SUPT3H: variants seen among roughly 807,000 people sequenced by gnomAD.
SUPT3H encodes the protein transcription initiation protein SPT3 homolog.
In SUPT3H, 44 loss-of-function variants were observed where a neutral mutation model predicts 44.3. The ratio of observed to expected loss-of-function variants is 0.99; its 90% CI spans 0.78 to 1.28. SUPT3H has a LOEUF of 1.28. SUPT3H is among the 50% of genes most tolerant of loss of function. The probability of loss-of-function intolerance (pLI) is 0.00; values close to 1 mark genes in which losing one functional copy is unlikely to be tolerated. For missense variants in SUPT3H, 380 were observed against 387.1 expected (o/e 0.98, Z 0.15); for synonymous variants, 124 against 125.6 (o/e 0.99, Z 0.09).
At chr6:45,187,810 C>G (rs1390233611) in intron 2 of SUPT3H, among the ~76,000 whole-genome samples, 1 of 152,110 alleles carries the variant, frequency 6.6e-6, no homozygotes, top group Non-Finnish European at 1.5e-5. Context: ...AAATCATCAA[C>G]AAAATGTTAG....
chr6:45,206,720 G>A lies in SUPT3H; in HGVS notation c.102-100714C>T, dbSNP rs190961467. On this transcript the variant is annotated intron_variant, in intron 2 of 10. Transcript: ENST00000371459. The stretch of plus-strand genomic sequence containing the variant: ...TAATGACTAAGAGCAATGTGTAGCA[G>A]TGGAAAGAAATGTGGGCTGTGAGAG... Among the ~76,000 whole-genome samples the A allele has an allele frequency of 2.2e-4, 33 of 152,246 alleles. No individual in the cohort carries two copies. In the East Asian group the frequency reaches 3.5e-3, roughly 16 times the overall value.
intron 3 of SUPT3H, among the ~76,000 whole-genome samples, chr6:45,045,941 T>C (rs1489744268): frequency 1.3e-5 from 2 of 152,192 alleles, no homozygotes; most frequent in Non-Finnish European, 2.9e-5. Flanking sequence ...TCACTTTTTC[T>C]TTTGTTGTTC....
At chr6:45,208,262 GATT>G (rs1290792849) in intron 2 of SUPT3H, among the ~76,000 whole-genome samples, 1 of 152,192 alleles carries the variant, frequency 6.6e-6, no homozygotes, top group Non-Finnish European at 1.5e-5. Context: ...GAAAGGTAAG[GATT>G]CAGAAGAAAA....
At chr6:45,036,741 C>G (rs1397478140) in intron 3 of SUPT3H, among the ~76,000 whole-genome samples, 1 of 152,116 alleles carries the variant, frequency 6.6e-6, no homozygotes, top group Admixed American at 6.6e-5. Context: ...TATAAAAATT[C>G]ACCACTCATG....
intron 2 of SUPT3H, among the ~76,000 whole-genome samples, chr6:45,157,976 TTAA>T (rs1407955449): frequency 2.0e-5 from 3 of 150,620 alleles, no homozygotes; most frequent in South Asian, 4.2e-4. Flanking sequence ...ATAGTAATTA[TTAA>T]TAATACGTAA....
intron 2 of SUPT3H, among the ~76,000 whole-genome samples, chr6:45,221,583 C>T (rs1766063665): frequency 6.6e-6 from 1 of 152,006 alleles, no homozygotes; most frequent in Non-Finnish European, 1.5e-5. Flanking sequence ...AATCAGACAA[C>T]CTAAATAAAT....
intron 2 of SUPT3H, among the ~76,000 whole-genome samples, chr6:45,178,750 G>A (rs552230409): frequency 3.3e-5 from 5 of 152,214 alleles, no homozygotes; most frequent in Admixed American, 6.5e-5. Flanking sequence ...TAGAACTCAG[G>A]ATTAAGAATC....
At chr6:45,140,087 A>C (rs1382157312) in intron 2 of SUPT3H, among the ~76,000 whole-genome samples, 1 of 151,990 alleles carries the variant, frequency 6.6e-6, no homozygotes, top group African/African-American at 2.4e-5. Context: ...GAGGCCTTTC[A>C]CTACTGATTA....
At chr6:44,953,155 T>A (rs753246453) in intron 9 of SUPT3H, among the ~76,000 whole-genome samples, 155 bp downstream of exon 9, 9 of 152,244 alleles carry the variant, frequency 5.9e-5, no homozygotes, top group Non-Finnish European at 1.3e-4. Context: ...CAGTAGGTGC[T>A]CAATTAAATA....
intron 9 of SUPT3H, among the ~76,000 whole-genome samples, chr6:44,948,503 C>T (rs901969747): frequency 1.1e-4 from 16 of 152,086 alleles, no homozygotes; most frequent in Non-Finnish European, 2.1e-4. Context: ...TGACAAAGGG[C>T]TAATATCCAG....
intron 10 of SUPT3H, among the ~76,000 whole-genome samples, chr6:44,842,529 T>G (rs1208947608): frequency 6.6e-6 from 1 of 152,088 alleles, no homozygotes; most frequent in Non-Finnish European, 1.5e-5. Flanking sequence ...TGGGATTATT[T>G]CAATATAAAG....
chr6:45,020,040 T>C (rs994198373), intron 4 of SUPT3H, among the ~76,000 whole-genome samples: 3 of 151,946 alleles, frequency 2.0e-5, no homozygotes, highest in African/African-American at 7.2e-5. Flanking sequence ...TAGGCCTTTG[T>C]TCAAAAACAG....
intron 2 of SUPT3H, among the ~76,000 whole-genome samples, chr6:45,176,025 A>T (rs1359814145): frequency 1.3e-5 from 2 of 152,140 alleles, no homozygotes; most frequent in Non-Finnish European, 2.9e-5. Context: ...CTGATTGCTC[A>T]CCTTGGTCCA....
intron 3 of SUPT3H, among the ~76,000 whole-genome samples, chr6:45,040,105 T>C (rs1193113878): frequency 6.6e-6 from 1 of 152,114 alleles, no homozygotes; most frequent in East Asian, 1.9e-4. Context: ...AAATAATAAA[T>C]ATCATCAGCT....
chr6:44,957,319 AT>A (rs1314291422), intron 7 of SUPT3H, among the ~76,000 whole-genome samples: 1 of 152,180 alleles, frequency 6.6e-6, no homozygotes, highest in African/African-American at 2.4e-5. Context: ...GCTGTCAAAT[AT>A]GGCAGAATTA....
chr6:45,367,834 CAGTCA>C (rs1795404957), intron 1 of SUPT3H, among the ~76,000 whole-genome samples: 1 of 152,158 alleles, frequency 6.6e-6, no homozygotes, highest in Non-Finnish European at 1.5e-5. Flanking sequence ...CATCCTTTCA[CAGTCA>C]AGTCAATTTT....
At chr6:45,258,237 T>C (rs1031347818) in intron 2 of SUPT3H, among the ~76,000 whole-genome samples, 3 of 152,238 alleles carry the variant, frequency 2.0e-5, no homozygotes, top group Admixed American at 6.5e-5. Context: ...TCAAAGAACA[T>C]GTTTATGTAA....
At chr6:45,298,798 G>A (rs1432778551) in intron 2 of SUPT3H, among the ~76,000 whole-genome samples, 1 of 152,026 alleles carries the variant, frequency 6.6e-6, no homozygotes, top group Admixed American at 6.6e-5. Context: ...TAACTCTCTA[G>A]AATATAGGAA....
At chr6:45,305,421 A>G (rs1227985821) in intron 2 of SUPT3H, among the ~76,000 whole-genome samples, 1 of 152,248 alleles carries the variant, frequency 6.6e-6, no homozygotes, top group Non-Finnish European at 1.5e-5. Context: ...TTTCACAAAT[A>G]CATCTACATA....
Sources: allele counts gnomAD v4.1 joint callset (sites outside exome capture counted in the v4.1 genomes callset), GRCh38; gene constraint gnomAD v4.1.1; transcripts MANE v1.5; gene names NCBI Gene and HGNC (gene_info 2026-07-23, HGNC 2026-07-21).